FAM81A: variants seen among roughly 807,000 people sequenced by gnomAD.
FAM81A encodes protein FAM81A.
Under a neutral mutation model 46.7 loss-of-function variants are expected in FAM81A, and 19 were observed. The observed-to-expected ratio is 0.41, with a 90% confidence interval of 0.28 to 0.60. The LOEUF (loss-of-function observed/expected upper bound fraction) is 0.60. FAM81A is among the 20% of genes least tolerant of loss of function. The pLI is 0.34. For missense variants in FAM81A, 377 were observed against 453.5 expected, an observed-to-expected ratio of 0.83 and a Z score of 1.53; for synonymous variants, 183 against 152.9, an observed-to-expected ratio of 1.20 and a Z score of -1.45.
chr15:59,484,251 C>A (rs1360985434), intron 3 of FAM81A, among the ~76,000 whole-genome samples: 1 of 152,166 alleles, frequency 6.6e-6, no homozygotes. Context: ...CATAAAATTT[C>A]TTCTTGAACT....
chr15:59,512,131 A>G (rs1452444062), intron 6 of FAM81A, among the ~76,000 whole-genome samples: 1 of 152,206 alleles, frequency 6.6e-6, no homozygotes, highest in East Asian at 1.9e-4. Context: ...TGTTGAGTGA[A>G]AAATGAGTAG....
chr15:59,406,637 A>G (rs2081095867), intron 2 of FAM81A, among the ~76,000 whole-genome samples: 1 of 152,112 alleles, frequency 6.6e-6, no homozygotes, highest in Non-Finnish European at 1.5e-5. Context: ...ATGTTTCCTC[A>G]TGTCCATTTT....
At chr15:59,449,948 A>T (rs1318792796) in intron 1 of FAM81A, among the ~76,000 whole-genome samples, 1 of 151,112 alleles carries the variant, frequency 6.6e-6, no homozygotes, top group East Asian at 1.9e-4. Context: ...GTGAGACAAA[A>T]TCTCACGCTG....
In FAM81A at chr15:59,502,243, A is replaced by T. The variant is rs184404316; in HGVS notation, c.414-4970A>T. On this transcript the variant is annotated intron_variant, in intron 4 of 8. Coordinates refer to ENST00000288228, the MANE Select transcript of FAM81A (RefSeq NM_152450.3). ...CATGTGCACAATGTGCAGGTTAGTT[A>T]CATATGTATACATGTGCCATGCTGG... Among the ~76,000 whole-genome samples the T allele has an allele frequency of 4.5e-3, 682 of 151,566 alleles. 4 individuals are homozygous for T. The highest frequency in any genetic ancestry group is 0.016 in the African/African-American group (647 of 41,344).
chr15:59,422,974 ATAATAATGATAGTAACAGC>A (rs1367945264), intron 2 of FAM81A, among the ~76,000 whole-genome samples: 1 of 152,210 alleles, frequency 6.6e-6, no homozygotes, highest in Non-Finnish European at 1.5e-5. Context: ...TGGAATAATG[ATAATAATGATAGTAACAGC>A]TGTTATTTAT....
At chr15:59,489,626 G>A (rs1407018775) in intron 3 of FAM81A, among the ~76,000 whole-genome samples, 1 of 152,038 alleles carries the variant, frequency 6.6e-6, no homozygotes, top group Admixed American at 6.6e-5. Flanking sequence ...GAACAAAACT[G>A]GAGAGGTCAC....
intron 2 of FAM81A, among the ~76,000 whole-genome samples, chr15:59,410,480 C>G (rs2081115661): frequency 6.6e-6 from 1 of 152,158 alleles, no homozygotes; most frequent in African/African-American, 2.4e-5. Context: ...GCCTCCCACA[C>G]TCACCTCTGG....
intron 3 of FAM81A, among the ~76,000 whole-genome samples, chr15:59,466,559 T>A (rs563577922): frequency 3.5e-4 from 54 of 152,336 alleles, no homozygotes; most frequent in African/African-American, 9.4e-4. Flanking sequence ...GGTTGTTTGT[T>A]TTTTTCTTGT....
chr15:59,410,279 A>G (rs1033989234), intron 2 of FAM81A, among the ~76,000 whole-genome samples: 39 of 152,138 alleles, frequency 2.6e-4, no homozygotes, highest in African/African-American at 9.4e-4. Flanking sequence ...CTGGGCAACA[A>G]GAGCGAAACT....
At chr15:59,502,819 C>T (rs918457208) in intron 4 of FAM81A, among the ~76,000 whole-genome samples, 6 of 152,040 alleles carry the variant, frequency 3.9e-5, no homozygotes, top group Non-Finnish European at 8.8e-5. Flanking sequence ...CCGCGCCAGC[C>T]GTGTTTTCTA....
At chr15:59,410,914 C>A (rs1268495634) in intron 2 of FAM81A, among the ~76,000 whole-genome samples, 1 of 152,198 alleles carries the variant, frequency 6.6e-6, no homozygotes, top group Non-Finnish European at 1.5e-5. Flanking sequence ...CCACACCCAG[C>A]TAATTTTTGT....
chr15:59,425,183 C>T (rs2081189833), intron 2 of FAM81A, among the ~76,000 whole-genome samples: 1 of 152,092 alleles, frequency 6.6e-6, no homozygotes, highest in Non-Finnish European at 1.5e-5. Context: ...AATGTAAGCT[C>T]CATGAGGGCA....
intron 2 of FAM81A, among the ~76,000 whole-genome samples, chr15:59,406,348 A>C (rs1026305454): frequency 6.6e-6 from 1 of 152,194 alleles, no homozygotes; most frequent in Non-Finnish European, 1.5e-5. Flanking sequence ...ACAGATGAGG[A>C]GATTGAGGCT....
At chr15:59,447,052 G>A (rs2081360898) in intron 1 of FAM81A, among the ~76,000 whole-genome samples, 1 of 152,178 alleles carries the variant, frequency 6.6e-6, no homozygotes, top group Non-Finnish European at 1.5e-5. Flanking sequence ...ACTTGTTAAA[G>A]TATTTTGAAA....
At chr15:59,494,745 T>A (rs567997025) in intron 4 of FAM81A, among the ~76,000 whole-genome samples, 96 of 152,322 alleles carry the variant, frequency 6.3e-4, no homozygotes, top group African/African-American at 2.3e-3. Context: ...TATGTAATTG[T>A]ATTGGAGGGG....
chr15:59,413,561 C>T (rs1274936186), intron 2 of FAM81A, among the ~76,000 whole-genome samples: 1 of 151,982 alleles, frequency 6.6e-6, no homozygotes, highest in African/African-American at 2.4e-5. Context: ...AGTCTCTGTA[C>T]TTGAGCCTAA....
At chr15:59,406,176 G>A (rs1038773809) in intron 2 of FAM81A, among the ~76,000 whole-genome samples, 1 of 152,110 alleles carries the variant, frequency 6.6e-6, no homozygotes, top group Admixed American at 6.6e-5. Flanking sequence ...GAAAAATTCA[G>A]AATGACCTCC....
At chr15:59,480,404 A>G (rs1280261641) in intron 3 of FAM81A, among the ~76,000 whole-genome samples, 2 of 152,174 alleles carry the variant, frequency 1.3e-5, no homozygotes, top group African/African-American at 4.8e-5. Flanking sequence ...ATTGGTTGTC[A>G]TCACCTTTGC....
At chr15:59,447,654 G>A (rs1166572427) in intron 1 of FAM81A, among the ~76,000 whole-genome samples, 3 of 152,168 alleles carry the variant, frequency 2.0e-5, no homozygotes, top group African/African-American at 7.2e-5. Flanking sequence ...GGGAAATTAG[G>A]CATGCTGACC....
Sources: gnomAD v4.1 joint callset for allele counts (sites outside exome capture counted in the v4.1 genomes callset) on GRCh38, gnomAD v4.1.1 for gene constraint, MANE v1.5 for transcripts, NCBI Gene and HGNC (gene_info 2026-07-23, HGNC 2026-07-21) for gene names.